BEGAIN: variants seen among roughly 807,000 people sequenced by gnomAD.
BEGAIN encodes the protein brain enriched guanylate kinase associated.
BEGAIN carries 19 observed loss-of-function variants against 35.8 expected under a neutral mutation model. That is an observed-to-expected ratio of 0.53 (90% confidence interval 0.37 to 0.78). The LOEUF (loss-of-function observed/expected upper bound fraction) is 0.78. Among genes scored for constraint, BEGAIN ranks in the 30% least tolerant of loss-of-function variants. The pLI is 0.00. For synonymous variants in BEGAIN, 462 were observed against 388.6 expected, an observed-to-expected ratio of 1.19 and a Z score of -2.22; for missense variants, 795 against 853.6, an observed-to-expected ratio of 0.93 and a Z score of 0.85.
rs1179031468 is a variant in BEGAIN, at chr14:100,561,840, G to A, written c.71+6071C>T. ...TCAGGGAGGCAGGCCTTGCAGAGGA[G>A]TGGGAACTCAACTGGGCTGTGGGGA... is the stretch of plus-strand genomic sequence containing the variant. On this transcript the variant is annotated intron_variant, in intron 2 of 6. Transcript: ENST00000554140. 3.3e-5 allele frequency among the ~76,000 whole-genome samples: 5 copies of A among 152,284 alleles called. No homozygotes were observed. In the South Asian group the frequency reaches 6.2e-4, roughly 19 times the overall value.
At chr14:100,582,802 T>C (rs954051535) in intron 1 of BEGAIN, among the ~76,000 whole-genome samples, 1 of 151,950 alleles carries the variant, frequency 6.6e-6, no homozygotes, top group Non-Finnish European at 1.5e-5. Context: ...AAAGGCCAAA[T>C]AGCTGTTAGT....
rs1269581122 is a variant in BEGAIN at position 100,563,611 on chromosome 14, G to A, written c.71+4300C>T. 1.3e-5 allele frequency among the ~76,000 whole-genome samples: 2 copies of A among 152,186 alleles called. No homozygotes were observed. The highest frequency in any genetic ancestry group is 4.8e-5 in the African/African-American group (2 of 41,444). Reference sequence around the variant, plus strand: ...AACCAGGGCAGCCCACCCCAACAACGCTGGAGGGACAGTGATGGGGAGAAG... The same window carrying A: ...AACCAGGGCAGCCCACCCCAACAACACTGGAGGGACAGTGATGGGGAGAAG... On this transcript the variant is annotated intron_variant, in intron 2 of 6. Transcript: ENST00000554140. This position sits in a 1 kb window ranked among gnomAD's most constrained non-coding sequence, Gnocchi z 4.2.
At chr14:100,542,730 G>A (rs933656254) in intron 5 of BEGAIN, among the ~76,000 whole-genome samples, 4 of 152,142 alleles carry the variant, frequency 2.6e-5, no homozygotes, top group South Asian at 2.1e-4. Flanking sequence ...CAGTTCCACC[G>A]TCATCTGAGC....
At chr14:100,550,981 C>T (rs775126318) in intron 2 of BEGAIN, among the ~76,000 whole-genome samples, 2 of 152,196 alleles carry the variant, frequency 1.3e-5, no homozygotes, top group Non-Finnish European at 2.9e-5. Flanking sequence ...TGGGTGCAAG[C>T]TCCCCCTCCC....
intron 2 of BEGAIN, among the ~76,000 whole-genome samples, chr14:100,552,254 T>C (rs373929084): frequency 6.6e-6 from 1 of 151,352 alleles, no homozygotes; most frequent in East Asian, 1.9e-4. Flanking sequence ...GTGCAGTGAG[T>C]GGGGGGCATG....
chr14:100,575,508 G>A (rs1179183501), intron 1 of BEGAIN, among the ~76,000 whole-genome samples: 2 of 152,158 alleles, frequency 1.3e-5, no homozygotes, highest in Admixed American at 6.5e-5. Context: ...TCAGTCTTCC[G>A]GGCCTCAGTG....
intron 1 of BEGAIN, among the ~76,000 whole-genome samples, chr14:100,570,261 C>T (rs1467405729): frequency 6.6e-6 from 1 of 152,274 alleles, no homozygotes; most frequent in East Asian, 1.9e-4. Flanking sequence ...ATGGGAATTC[C>T]CCCCACCCCC....
chr14:100,565,747 A>G (rs1428445465), intron 2 of BEGAIN, among the ~76,000 whole-genome samples: 1 of 152,196 alleles, frequency 6.6e-6, no homozygotes, highest in Non-Finnish European at 1.5e-5. Flanking sequence ...GCTCTGGGCC[A>G]GGTCCCAGGA....
intron 2 of BEGAIN, among the ~76,000 whole-genome samples, chr14:100,564,110 G>A (rs1374266300): frequency 6.6e-6 from 1 of 151,324 alleles, no homozygotes; most frequent in Non-Finnish European, 1.5e-5. Context: ...GATCTTAGGG[G>A]CTGGCCGGGA....
At chr14:100,584,834 G>A (rs1025832756) in intron 1 of BEGAIN, among the ~76,000 whole-genome samples, 4 of 152,084 alleles carry the variant, frequency 2.6e-5, no homozygotes, top group African/African-American at 7.2e-5. Context: ...CCAGCTCTGC[G>A]GCAGGAAGGG....
rs534941992 is a variant in BEGAIN, at chr14:100,553,173, G to A, written c.72-6511C>T. Reference sequence around the variant, plus strand: ...CACAACCAGCTGCAGGTCCTTGACGGGTGGGGAAGGAGAACGGGATGCTCA... The same window carrying A: ...CACAACCAGCTGCAGGTCCTTGACGAGTGGGGAAGGAGAACGGGATGCTCA... On this transcript the variant is annotated intron_variant, in intron 2 of 6. Transcript: ENST00000554140. Among the ~76,000 whole-genome samples, 14 of 152,272 alleles carry A rather than the reference G, an allele frequency of 9.2e-5. No individual in the cohort carries two copies. In the South Asian group the frequency reaches 2.1e-3, roughly 23 times the overall value.
In BEGAIN at chr14:100,539,298, C is replaced by A; in HGVS notation, c.510G>T (p.Gln170His). The A allele has an allele frequency of 6.4e-7, 1 of 1,558,402 alleles. No individual in the cohort carries two copies. Among genetic ancestry groups the A allele is most frequent in the South Asian group, 1.2e-5 (1 of 81,842 alleles). The part of the protein sequence containing the change: ...HKVSELPSDF[Q>H]ERVSLHMEKH... Reference sequence around the variant, plus strand: ...TCTCCATGTGCAGGCTCACGCGCTCCTGGAAATCCGAGGGCAGCTGGAACG... The same window carrying A: ...TCTCCATGTGCAGGCTCACGCGCTCATGGAAATCCGAGGGCAGCTGGAACG... The change falls in exon 7 of 7, where the codon CAG (glutamine) becomes CAT (histidine). Residue 170 changes from glutamine to histidine, a missense_variant. Coordinates refer to ENST00000554140, the MANE Select transcript of BEGAIN (RefSeq NM_001385089.1).
At position 100,567,887 on chromosome 14, in the gene BEGAIN, CG is replaced by C; in HGVS notation, c.71+23del. On this transcript the variant is annotated intron_variant, in intron 2 of 6. Transcript: ENST00000554140. The surrounding 1 kb of genome is among the most constrained non-coding windows in gnomAD (Gnocchi z 5.1). ...CCCCCGACCCGGCCCCCGCGAGCCG[CG>C]GCACGGGAGACGCTCCACTCACCTG... The C allele has an allele frequency of 6.8e-7, 1 of 1,465,016 alleles. No individual in the cohort carries two copies. Among genetic ancestry groups the C allele is most frequent in the Non-Finnish European group, 9.1e-7 (1 of 1,099,430 alleles). 90.8% of individuals were successfully genotyped at this position (1,465,016 alleles called of 1,614,324 possible).
At chr14:100,578,499 C>T (rs1449745798) in intron 1 of BEGAIN, among the ~76,000 whole-genome samples, 1 of 152,260 alleles carries the variant, frequency 6.6e-6, no homozygotes, top group African/African-American at 2.4e-5. Context: ...ACAGAGCCTT[C>T]ATTTTCTTTT....
rs772982110 is a variant in BEGAIN at position 100,538,202 on chromosome 14, C to G, written c.1606G>C (p.Glu536Gln). The G allele has an allele frequency of 6.4e-7, 1 of 1,554,244 alleles. No homozygotes were observed. Among genetic ancestry groups the G allele is most frequent in the Non-Finnish European group, 8.7e-7 (1 of 1,154,934 alleles). The change falls in exon 7 of 7, where the codon GAG becomes CAG. Residue 536 changes from glutamate to glutamine, a missense_variant. This residue lies in a region of BEGAIN where 664 missense variants were observed against 647.7 expected (regional missense o/e 1.03). Transcript: ENST00000554140. ...ADPLPGYAPS[E>Q]GGDGDRLGVQ... Reference sequence around the variant, plus strand: ...CCGAGCCTGTCCCCGTCCCCCCCCTCGCTGGGTGCATAGCCGGGCAGTGGG... The same window carrying G: ...CCGAGCCTGTCCCCGTCCCCCCCCTGGCTGGGTGCATAGCCGGGCAGTGGG...
rs2034913562 is a variant in BEGAIN at position 100,568,494 on chromosome 14, C to T, written c.43-555G>A. 1.6e-6 allele frequency: 2 copies of T among 1,286,422 alleles called. No homozygotes were observed. The highest frequency in any genetic ancestry group is 2.0e-6 in the Non-Finnish European group (2 of 987,300). 79.7% of individuals were successfully genotyped at this position (1,286,422 alleles called of 1,614,324 possible). A position where few individuals can be genotyped will look rare whatever the true frequency, so the allele number is the denominator to read the frequency against. On this transcript the variant is annotated intron_variant, in intron 1 of 6. Transcript: ENST00000554140. The surrounding 1 kb of genome is among the most constrained non-coding windows in gnomAD (Gnocchi z 7.5). The stretch of plus-strand genomic sequence containing the variant: ...GAGCCTCGACTCCTCAATCAGGGAC[C>T]CGCTGCCCTCAGATTCTGGGGTTTT...
intron 3 of BEGAIN, 60 bp from the exon 4 acceptor site, chr14:100,545,126 T>C: frequency 1.2e-6 from 2 of 1,609,268 alleles, no homozygotes; most frequent in Non-Finnish European, 1.7e-6. Context: ...ACGACCCTTA[T>C]GGCCGCACAG....
At chr14:100,574,996 G>A (rs893526465) in intron 1 of BEGAIN, among the ~76,000 whole-genome samples, 2 of 152,164 alleles carry the variant, frequency 1.3e-5, no homozygotes, top group Non-Finnish European at 2.9e-5. Flanking sequence ...TGTGATAACC[G>A]GCGGTCCTAG....
At chr14:100,549,967 A>AGGTCTGGG (rs2033010920) in intron 2 of BEGAIN, 1 of 153,420 alleles carries the variant, frequency 6.5e-6, no homozygotes, top group Admixed American at 6.5e-5. Flanking sequence ...CCACCCTTCC[A>AGGTCTGGG]GGCCTGGGGG....
Sources: gnomAD v4.1 joint callset for allele counts (sites outside exome capture counted in the v4.1 genomes callset) on GRCh38, gnomAD v4.1.1 for gene constraint, gnomAD v4.1.1 regional missense constraint, Gnocchi (gnomAD v3.1) non-coding constraint, MANE v1.5 for transcripts, NCBI Gene and HGNC (gene_info 2026-07-23, HGNC 2026-07-21) for gene names.